CSGALNACT1: variants seen among roughly 807,000 people sequenced by gnomAD.
The protein encoded by CSGALNACT1 is chondroitin sulfate N-acetylgalactosaminyltransferase 1.
Under a neutral mutation model 51.0 loss-of-function variants are expected in CSGALNACT1, and 52 were observed. That is an observed-to-expected ratio of 1.02 (90% confidence interval 0.82 to 1.29). CSGALNACT1 has a LOEUF of 1.29. CSGALNACT1 is among the 50% of genes most tolerant of loss of function. The pLI, the probability that CSGALNACT1 is intolerant of heterozygous loss-of-function variation, is 0.00. For missense variants in CSGALNACT1, 935 were observed against 679.2 expected, an observed-to-expected ratio of 1.38 and a Z score of -4.19; for synonymous variants, 341 against 254.4, an observed-to-expected ratio of 1.34 and a Z score of -3.24.
intron 1 of CSGALNACT1, among the ~76,000 whole-genome samples, chr8:19,663,936 G>A (rs1283312428): frequency 2.0e-5 from 3 of 152,130 alleles, no homozygotes; most frequent in Admixed American, 6.5e-5. Context: ...ACAGACAAAT[G>A]TCACTCTTGT....
chr8:19,405,060 T>C (rs1313146628), exon 10 of CSGALNACT1: 2 of 453,340 alleles, frequency 4.4e-6, no homozygotes, highest in Admixed American at 4.7e-5. Flanking sequence ...TCTTAAAAAA[T>C]ATAAAAATGT....
rs373916194 is a variant in CSGALNACT1, at chr8:19,637,379, C to T, written c.-543-35514G>A. Among the ~76,000 whole-genome samples, 51 of 152,200 alleles carry T rather than the reference C, an allele frequency of 3.4e-4. No individual in the cohort carries two copies. The East Asian group carries it at 6.8e-3, about 20-fold the overall frequency. On this transcript the variant is annotated intron_variant, in intron 1 of 9. Transcript: ENST00000332246. The stretch of plus-strand genomic sequence containing the variant: ...ACAGCAATCATTCTTTTTTATTTAC[C>T]ATATGCACTTGGGAAGATTTTTATT...
At chr8:19,621,284 A>C (rs76160238) in intron 1 of CSGALNACT1, among the ~76,000 whole-genome samples, 4 of 152,036 alleles carry the variant, frequency 2.6e-5, no homozygotes, top group African/African-American at 9.7e-5. Flanking sequence ...GGGAAAAAAA[A>C]CCCTGCAAAT....
chr8:19,654,054 AG>A (rs1273490789), intron 1 of CSGALNACT1, among the ~76,000 whole-genome samples: 2 of 152,170 alleles, frequency 1.3e-5, no homozygotes, highest in African/African-American at 4.8e-5. Context: ...GCAACGCCTA[AG>A]GTGTGCCCAC....
intron 7 of CSGALNACT1, among the ~76,000 whole-genome samples, chr8:19,419,893 C>T (rs528757007): frequency 2.6e-5 from 4 of 152,240 alleles, no homozygotes; most frequent in South Asian, 2.1e-4. Flanking sequence ...TCCCATAATC[C>T]CCAGATATCC....
At chr8:19,461,258 A>G (rs2065284710) in intron 4 of CSGALNACT1, among the ~76,000 whole-genome samples, 1 of 152,220 alleles carries the variant, frequency 6.6e-6, no homozygotes, top group Non-Finnish European at 1.5e-5. Context: ...GTTTCCCTTC[A>G]AAGACGGTTC....
chr8:19,459,229 A>T (rs935638640), intron 4 of CSGALNACT1, among the ~76,000 whole-genome samples: 1 of 151,934 alleles, frequency 6.6e-6, no homozygotes, highest in Non-Finnish European at 1.5e-5. Flanking sequence ...CTACTAATAC[A>T]AAAGTTAGTA....
chr8:19,432,916 A>T (rs1416984180), intron 6 of CSGALNACT1, among the ~76,000 whole-genome samples: 1 of 152,174 alleles, frequency 6.6e-6, no homozygotes, highest in East Asian at 1.9e-4. Flanking sequence ...CTATTAAGTC[A>T]AACATCTAAG....
chr8:19,742,874 T>G (rs1299751062), intron 1 of CSGALNACT1, among the ~76,000 whole-genome samples: 1 of 152,184 alleles, frequency 6.6e-6, no homozygotes, highest in African/African-American at 2.4e-5. Context: ...TAGCTCCTGT[T>G]CCACTTCTGC....
chr8:19,582,000 C>T (rs2045683569), intron 3 of CSGALNACT1, among the ~76,000 whole-genome samples: 1 of 152,198 alleles, frequency 6.6e-6, no homozygotes, highest in African/African-American at 2.4e-5. Flanking sequence ...AAGATGATCA[C>T]CTACCAGCCC....
exon 4 of CSGALNACT1, chr8:19,505,484 C>T (rs1411443462): frequency 6.2e-7 from 1 of 1,614,024 alleles, no homozygotes; most frequent in African/African-American, 1.3e-5. Flanking sequence ...GGAGGTCGGC[C>T]TGGGTTTTCT....
intron 4 of CSGALNACT1, among the ~76,000 whole-genome samples, chr8:19,493,813 GT>G (rs1446480208): frequency 1.3e-5 from 2 of 151,936 alleles, no homozygotes; most frequent in Non-Finnish European, 2.9e-5. Flanking sequence ...TCACATAGGA[GT>G]TTTTAAGTTA....
chr8:19,457,005 T>C (rs190082008), intron 5 of CSGALNACT1, among the ~76,000 whole-genome samples: 293 of 152,264 alleles, frequency 1.9e-3, no homozygotes, highest in Non-Finnish European at 1.5e-3. Flanking sequence ...ACTTCAGGCA[T>C]AAACAATAAA....
At chr8:19,662,735 C>A (rs1460867689) in intron 1 of CSGALNACT1, among the ~76,000 whole-genome samples, 1 of 152,190 alleles carries the variant, frequency 6.6e-6, no homozygotes, top group African/African-American at 2.4e-5. Context: ...CTTTGGGCAA[C>A]AGTGGTCCAC....
intron 4 of CSGALNACT1, among the ~76,000 whole-genome samples, chr8:19,503,704 T>C (rs1587394812): frequency 1.3e-5 from 2 of 152,310 alleles, no homozygotes; most frequent in Middle Eastern, 3.4e-3. Context: ...TTTGAACTCT[T>C]ACTGTGTGCT....
At chr8:19,467,599 G>A (rs957930698) in intron 4 of CSGALNACT1, among the ~76,000 whole-genome samples, 4 of 152,098 alleles carry the variant, frequency 2.6e-5, no homozygotes, top group Non-Finnish European at 5.9e-5. Flanking sequence ...CCAGCCTCGC[G>A]GAGTTCAAAT....
At chr8:19,752,862 G>A (rs2065126454) in intron 1 of CSGALNACT1, among the ~76,000 whole-genome samples, 1 of 152,222 alleles carries the variant, frequency 6.6e-6, no homozygotes, top group Admixed American at 6.5e-5. Context: ...GTTTCCCTAA[G>A]TCATAGGTTC....
At chr8:19,467,208 C>T (rs2066908566) in intron 4 of CSGALNACT1, among the ~76,000 whole-genome samples, 1 of 145,106 alleles carries the variant, frequency 6.9e-6, no homozygotes, top group Non-Finnish European at 1.5e-5. Flanking sequence ...CAAGCTCTGA[C>T]TCTCGGTTTC....
intron 4 of CSGALNACT1, among the ~76,000 whole-genome samples, chr8:19,498,702 C>T (rs987453335): frequency 2.6e-5 from 4 of 152,210 alleles, no homozygotes; most frequent in Admixed American, 1.3e-4. Flanking sequence ...CTTTCCTGCC[C>T]ACTCCAGATA....
Sources: gnomAD v4.1 joint callset for allele counts (sites outside exome capture counted in the v4.1 genomes callset) on GRCh38, gnomAD v4.1.1 for gene constraint, MANE v1.5 for transcripts, NCBI Gene and HGNC (gene_info 2026-07-23, HGNC 2026-07-21) for gene names.